RNGTT: variants seen among roughly 807,000 people sequenced by gnomAD.
The protein encoded by RNGTT is RNA guanylyltransferase and 5'-phosphatase, also known as mRNA-capping enzyme.
A neutral mutation model predicts 79.3 loss-of-function variants in RNGTT; 33 were observed. The ratio of observed to expected loss-of-function variants is 0.42; its 90% CI spans 0.32 to 0.56. RNGTT has a LOEUF of 0.56. Ranked by LOEUF, RNGTT falls within the 20% of genes least tolerant of loss-of-function variation. The pLI is 0.17. For synonymous variants in RNGTT, 222 were observed against 235.9 expected (o/e 0.94, Z 0.54); for missense variants, 497 against 739.1 (o/e 0.67, Z 3.80).
intron 11 of RNGTT, among the ~76,000 whole-genome samples, chr6:88,827,010 T>TA (rs569321478): frequency 7.8e-4 from 118 of 151,892 alleles, no homozygotes; most frequent in African/African-American, 2.8e-3. Context: ...TTTAAAATTC[T>TA]AAAAAACCTA....
At chr6:88,613,303 C>T (rs1192344821) in intron 15 of RNGTT, among the ~76,000 whole-genome samples, 1 of 152,194 alleles carries the variant, frequency 6.6e-6, no homozygotes, top group Non-Finnish European at 1.5e-5. Flanking sequence ...AACATGGCAC[C>T]AGCCACCATT....
At chr6:88,631,216 T>TA (rs1772869928) in intron 14 of RNGTT, among the ~76,000 whole-genome samples, 2 of 152,230 alleles carry the variant, frequency 1.3e-5, no homozygotes. Flanking sequence ...AATTTTAACT[T>TA]AGTTTGTAGC....
At chr6:88,872,872 T>C (rs1266236081) in intron 8 of RNGTT, among the ~76,000 whole-genome samples, 1 of 151,836 alleles carries the variant, frequency 6.6e-6, no homozygotes, top group Non-Finnish European at 1.5e-5. Flanking sequence ...CCAAAGAAGA[T>C]CCAGACCCAG....
chr6:88,689,876 A>T (rs1283497618), intron 13 of RNGTT, among the ~76,000 whole-genome samples: 3 of 118,708 alleles, frequency 2.5e-5, no homozygotes, highest in African/African-American at 8.9e-5. Flanking sequence ...TAACAATTAC[A>T]AAAAAAAAAA....
chr6:88,661,347 A>G (rs1167332294), intron 14 of RNGTT, among the ~76,000 whole-genome samples: 1 of 152,186 alleles, frequency 6.6e-6, no homozygotes, highest in Non-Finnish European at 1.5e-5. Flanking sequence ...GAAACAAACA[A>G]AAAGCAATAC....
rs151130647 is a variant in RNGTT, at chr6:88,950,105, C to T, written c.65-8925G>A. Among the ~76,000 whole-genome samples the T allele has an allele frequency of 2.1e-4, 32 of 152,278 alleles. No individual in the cohort carries two copies. In the East Asian group the frequency reaches 4.0e-3, roughly 19 times the overall value. On this transcript the variant is annotated intron_variant, in intron 1 of 15. Coordinates refer to ENST00000369485, the MANE Select transcript of RNGTT (RefSeq NM_003800.5). ...ATCTACTCTGTCTGTGCTCTATCAA[C>T]GAACAACAAAAGCCTGGATGACATC...
chr6:88,731,606 CTG>C (rs143803470), intron 13 of RNGTT, among the ~76,000 whole-genome samples: 1 of 152,172 alleles, frequency 6.6e-6, no homozygotes, highest in African/African-American at 2.4e-5. Flanking sequence ...AATAAACAAA[CTG>C]GACTTCACAG....
At chr6:88,906,125 T>C (rs568007174) in intron 5 of RNGTT, among the ~76,000 whole-genome samples, 4 of 152,206 alleles carry the variant, frequency 2.6e-5, no homozygotes, top group South Asian at 2.1e-4. Context: ...CCAGCCTGGA[T>C]GACAGAGGAA....
chr6:88,915,275 C>A (rs1386317635), intron 4 of RNGTT, among the ~76,000 whole-genome samples: 1 of 152,108 alleles, frequency 6.6e-6, no homozygotes, highest in Non-Finnish European at 1.5e-5. Flanking sequence ...GAAATATACC[C>A]AAAGGAACAC....
At chr6:88,704,444 T>C (rs1367916993) in intron 13 of RNGTT, among the ~76,000 whole-genome samples, 2 of 152,208 alleles carry the variant, frequency 1.3e-5, no homozygotes, top group East Asian at 3.9e-4. Flanking sequence ...TTCCTTCCTA[T>C]GATATTCAAT....
At chr6:88,816,001 C>T (rs957648888) in intron 11 of RNGTT, among the ~76,000 whole-genome samples, 1 of 151,926 alleles carries the variant, frequency 6.6e-6, no homozygotes. Context: ...AAAGAGAAAG[C>T]TCAAAATCAT....
intron 14 of RNGTT, among the ~76,000 whole-genome samples, chr6:88,642,763 G>C (rs1773372081): frequency 1.3e-5 from 2 of 152,240 alleles, no homozygotes; most frequent in South Asian, 4.1e-4. Context: ...TAGTAAGACT[G>C]CTATAAACAC....
rs55920605 is a variant in RNGTT, at chr6:88,632,544, GACAC to G, written c.1507-18153_1507-18150del. Among the ~76,000 whole-genome samples the G allele has an allele frequency of 3.9e-3, 521 of 132,982 alleles. 2 individuals are homozygous for G. Among genetic ancestry groups the G allele is most frequent in the South Asian group, 0.012 (51 of 4,150 alleles). 87.2% of individuals were successfully genotyped at this position (132,982 alleles called of 152,430 possible). Reference sequence around the variant, plus strand: ...CCAACTACAGACACACAGACACACAGACACACACACACACACACACACACACACA... The same window carrying G: ...CCAACTACAGACACACAGACACACAGACACACACACACACACACACACACA... On this transcript the variant is annotated intron_variant, in intron 14 of 15. Transcript: ENST00000369485.
chr6:88,755,959 C>CAAAAAAA (rs1157096180), intron 13 of RNGTT, among the ~76,000 whole-genome samples: 8 of 30,516 alleles, frequency 2.6e-4, no homozygotes, highest in African/African-American at 4.1e-4. Flanking sequence ...GACTCCGTCT[C>CAAAAAAA]AAAAAAAAAA....
intron 14 of RNGTT, among the ~76,000 whole-genome samples, chr6:88,618,251 T>C (rs950463614): frequency 2.0e-5 from 3 of 152,236 alleles, no homozygotes; most frequent in Admixed American, 6.5e-5. Flanking sequence ...TCATTCTTCA[T>C]TGATCACACC....
chr6:88,925,842 A>G (rs890265157), intron 4 of RNGTT, among the ~76,000 whole-genome samples: 1 of 152,114 alleles, frequency 6.6e-6, no homozygotes, highest in Non-Finnish European at 1.5e-5. Context: ...CTATAAATAG[A>G]CACTGCACTC....
At chr6:88,644,447 T>A (rs1352098011) in intron 14 of RNGTT, among the ~76,000 whole-genome samples, 6 of 152,162 alleles carry the variant, frequency 3.9e-5, no homozygotes. Flanking sequence ...GTACCATTCC[T>A]TCTGAAACTA....
chr6:88,704,065 C>T (rs1776036982), intron 13 of RNGTT, among the ~76,000 whole-genome samples: 1 of 148,010 alleles, frequency 6.8e-6, no homozygotes, highest in South Asian at 2.1e-4. Flanking sequence ...CAAGACCATG[C>T]TGGCTAACGT....
chr6:88,674,968 C>T lies in RNGTT; in HGVS notation c.1506+3385G>A, dbSNP rs575382452. 2.4e-3 allele frequency among the ~76,000 whole-genome samples: 357 copies of T among 151,800 alleles called. 1 individual carries two copies. Among genetic ancestry groups the T allele is most frequent in the African/African-American group, 8.3e-3 (344 of 41,408 alleles). ...AAAAAATTAGCCAGGCGTGGTGGTGCGAGCCTGTAATCTCAGCTACTCGGG... is the reference window on the plus strand; with the variant it reads ...AAAAAATTAGCCAGGCGTGGTGGTGTGAGCCTGTAATCTCAGCTACTCGGG... On this transcript the variant is annotated intron_variant, in intron 14 of 15. Transcript: ENST00000369485.
Sources: allele counts gnomAD v4.1 joint callset (sites outside exome capture counted in the v4.1 genomes callset), GRCh38; gene constraint gnomAD v4.1.1; transcripts MANE v1.5; gene names NCBI Gene and HGNC (gene_info 2026-07-23, HGNC 2026-07-21).